The following WNK3 variants were observed in gnomAD, a reference collection of about 807,000 sequenced individuals.
The protein encoded by WNK3 is serine/threonine-protein kinase WNK3.
In WNK3, 18 loss-of-function variants were observed where a neutral mutation model predicts 116.7. The observed-to-expected ratio is 0.15, with a 90% CI of 0.11 to 0.23. The LOEUF (loss-of-function observed/expected upper bound fraction) is 0.23, where lower values mean the gene tolerates loss of function less well. Ranked by LOEUF, WNK3 falls within the 10% of genes least tolerant of loss-of-function variation. The pLI is 1.00. For synonymous variants in WNK3, 404 were observed against 469.4 expected, an observed-to-expected ratio of 0.86 and a Z score of 1.80; for missense variants, 993 against 1,323.8, an observed-to-expected ratio of 0.75 and a Z score of 3.88.
intron 13 of WNK3, among the ~76,000 whole-genome samples, chrX:54,253,115 C>G (rs1410047303): frequency 3.7e-5 from 4 of 108,464 alleles, no homozygotes; most frequent in Non-Finnish European, 5.7e-5. Flanking sequence ...CATTCTTACA[C>G]ATTGTATACC....
intron 10 of WNK3, among the ~76,000 whole-genome samples, chrX:54,259,604 T>C (rs1557156295): frequency 1.8e-5 from 2 of 111,805 alleles, no homozygotes; most frequent in Non-Finnish European, 3.8e-5. Flanking sequence ...TTGTTTTGAG[T>C]TATTTTTCAA....
chrX:54,281,821 T>C (rs2068519473), intron 10 of WNK3, among the ~76,000 whole-genome samples: 2 of 111,128 alleles, frequency 1.8e-5, no homozygotes, highest in South Asian at 3.8e-4. Context: ...TATACATGTA[T>C]GTATATGCAC....
At chrX:54,337,163 G>A (rs2069250100) in intron 1 of WNK3, among the ~76,000 whole-genome samples, 1 of 111,966 alleles carries the variant, frequency 8.9e-6, no homozygotes, top group Non-Finnish European at 1.9e-5. Context: ...AACTCCACAA[G>A]TTAGACAAAA....
chrX:54,317,796 A>T (rs782230515), intron 2 of WNK3, among the ~76,000 whole-genome samples: 12 of 107,250 alleles, frequency 1.1e-4, no homozygotes, highest in African/African-American at 2.4e-4. Flanking sequence ...CATGCCCGGC[A>T]AATTTTTTGT....
At chrX:54,324,046 C>A (rs1557172820) in intron 2 of WNK3, among the ~76,000 whole-genome samples, 1 of 111,959 alleles carries the variant, frequency 8.9e-6, no homozygotes, top group Non-Finnish European at 1.9e-5. Context: ...GGGCTGCATT[C>A]CTGTGAAGAC....
At chrX:54,314,218 A>C (rs1475333668) in intron 2 of WNK3, among the ~76,000 whole-genome samples, 1 of 108,010 alleles carries the variant, frequency 9.3e-6, no homozygotes, top group African/African-American at 3.4e-5. Flanking sequence ...AAAAAAAAAA[A>C]CAAAACACAT....
chrX:54,222,903 A>ACT (rs2067781584), intron 22 of WNK3, among the ~76,000 whole-genome samples: 1 of 86,578 alleles, frequency 1.2e-5, no homozygotes, highest in Non-Finnish European at 2.1e-5. Flanking sequence ...GTATAATAAT[A>ACT]ATAATAATAA....
chrX:54,350,323 C>A (rs111397604), intron 1 of WNK3, among the ~76,000 whole-genome samples: 5,036 of 108,944 alleles, frequency 0.046, 119 homozygotes, highest in Non-Finnish European at 0.073. Flanking sequence ...GGCAGGAGAA[C>A]GGCGTGAACC....
Position 54,248,680 on chromosome X carries a change from G to A in WNK3, c.3651+17C>T. ...TAAGCAAAGAGTAAGGAATTGGTTA[G>A]AAAGAATGATACTTACATGTAAACA... On this transcript the variant is annotated intron_variant, in intron 17 of 23. Coordinates refer to ENST00000354646, the Ensembl canonical transcript of WNK3. 1 of 1,163,929 alleles carries A rather than the reference G, an allele frequency of 8.6e-7. No homozygotes were observed. The highest frequency in any genetic ancestry group is 1.8e-5 in the African/African-American group (1 of 56,502).
At chrX:54,267,826 A>T (rs1221759520) in intron 10 of WNK3, among the ~76,000 whole-genome samples, 1 of 110,479 alleles carries the variant, frequency 9.1e-6, no homozygotes, top group Non-Finnish European at 1.9e-5. Flanking sequence ...CAAAAAAACC[A>T]TAGCCATATG....
intron 1 of WNK3, among the ~76,000 whole-genome samples, chrX:54,340,300 T>C (rs2069303420): frequency 9.0e-6 from 1 of 110,819 alleles, no homozygotes. Flanking sequence ...TAGGGGATGG[T>C]ATCAAACTAT....
intron 10 of WNK3, among the ~76,000 whole-genome samples, chrX:54,283,062 G>T (rs2068536004): frequency 8.9e-6 from 1 of 112,005 alleles, no homozygotes; most frequent in Non-Finnish European, 1.9e-5. Context: ...ATATTTTAAA[G>T]CATACATCTG....
chrX:54,237,659 C>T (rs914631139), intron 19 of WNK3, 108 bp from the exon 20 acceptor site: 36 of 760,841 alleles, frequency 4.7e-5, no homozygotes, highest in Non-Finnish European at 6.0e-5. Flanking sequence ...AATCTATACC[C>T]CCAAATTCAC....
At chrX:54,318,773 A>T (rs1276118967) in intron 2 of WNK3, among the ~76,000 whole-genome samples, 1 of 110,667 alleles carries the variant, frequency 9.0e-6, no homozygotes, top group African/African-American at 3.3e-5. Flanking sequence ...TATCTGGCCT[A>T]ATAAGTCTTT....
chrX:54,198,694 G>C, intron 23 of WNK3, 41 bp from the exon 24 acceptor site: 3 of 993,273 alleles, frequency 3.0e-6, no homozygotes, highest in Non-Finnish European at 4.0e-6. Context: ...CAGTTTATTT[G>C]GTATAGACTT....
intron 18 of WNK3, 79 bp downstream of exon 18, chrX:54,238,789 T>G: frequency 1.2e-6 from 1 of 807,363 alleles, no homozygotes; most frequent in Non-Finnish European, 1.7e-6. Flanking sequence ...GTGGCAAGAT[T>G]TGTATATGAA....
At chrX:54,307,538 C>G (rs782272637) in intron 5 of WNK3, among the ~76,000 whole-genome samples, 1 of 111,584 alleles carries the variant, frequency 9.0e-6, no homozygotes, top group East Asian at 2.8e-4. Flanking sequence ...AGCAGGGACC[C>G]AAATACTGTA....
intron 10 of WNK3, among the ~76,000 whole-genome samples, chrX:54,266,974 T>C (rs2068319296): frequency 9.0e-6 from 1 of 110,925 alleles, no homozygotes; most frequent in Non-Finnish European, 1.9e-5. Context: ...CTCCCACTTA[T>C]GAGTGAGAAC....
chrX:54,345,076 C>T (rs2069396025), intron 1 of WNK3, among the ~76,000 whole-genome samples: 1 of 108,618 alleles, frequency 9.2e-6, no homozygotes, highest in Non-Finnish European at 1.9e-5. Context: ...GGTGAAACCC[C>T]GTCTCTACTA....
Sources: allele counts gnomAD v4.1 joint callset (sites outside exome capture counted in the v4.1 genomes callset), GRCh38; gene constraint gnomAD v4.1.1; transcripts MANE v1.5; gene names NCBI Gene and HGNC (gene_info 2026-07-23, HGNC 2026-07-21).